The following PRTG variants were observed in gnomAD, a reference collection of about 807,000 sequenced individuals.
The protein encoded by PRTG is immunoglobulin superfamily, DCC subclass, member 5.
A neutral mutation model predicts 122.5 loss-of-function variants in PRTG; 67 were observed. That is an observed-to-expected ratio of 0.55 (90% CI 0.45 to 0.67). PRTG has a LOEUF of 0.67. Among genes scored for constraint, PRTG ranks in the 30% least tolerant of loss-of-function variants. PRTG has a pLI of 0.00. For synonymous variants in PRTG, 554 were observed against 501.1 expected, an observed-to-expected ratio of 1.11 and a Z score of -1.41; for missense variants, 1,435 against 1,415.4, an observed-to-expected ratio of 1.01 and a Z score of -0.22.
rs189243533 is a variant in PRTG, at chr15:55,666,592, A to G, written c.2041+5853T>C. Among the ~76,000 whole-genome samples the G allele has an allele frequency of 5.6e-4, 85 of 152,342 alleles. 2 individuals carry two copies. The East Asian group carries it at 0.014, about 25-fold the overall frequency. On this transcript the variant is annotated intron_variant, in intron 11 of 19. Coordinates refer to ENST00000389286, the MANE Select transcript of PRTG (RefSeq NM_173814.6). ...CTGTGTTTTAACAAGATCTGTGGGT[A>G]ATCCATATACATTTTAAAGCTCAAG...
chr15:55,724,184 G>C (rs2141873140), intron 2 of PRTG, among the ~76,000 whole-genome samples: 1 of 152,282 alleles, frequency 6.6e-6, no homozygotes, highest in African/African-American at 2.4e-5. Context: ...ATGTCTGCTA[G>C]ATCTAGTTAT....
At position 55,649,595 on chromosome 15, in the gene PRTG, G is replaced by T. The variant is rs2059342675; in HGVS notation, c.2042-8387C>A. The stretch of plus-strand genomic sequence containing the variant: ...AGGCCATGAGTTAGAGACCAGCCTA[G>T]CTAACATGGTGAAACTCCATCTCTA... On this transcript the variant is annotated intron_variant, in intron 11 of 19. Coordinates refer to ENST00000389286, the MANE Select transcript of PRTG (RefSeq NM_173814.6). Among the ~76,000 whole-genome samples the T allele has an allele frequency of 3.3e-5, 5 of 152,182 alleles. No homozygotes were observed. In the South Asian group the frequency reaches 1.0e-3, roughly 32 times the overall value.
At chr15:55,651,702 T>A (rs892331925) in intron 11 of PRTG, among the ~76,000 whole-genome samples, 17 of 152,130 alleles carry the variant, frequency 1.1e-4, no homozygotes, top group African/African-American at 3.9e-4. Flanking sequence ...GAAAACTAGG[T>A]CTTTGTTGCT....
rs1441285557 is a variant in PRTG at position 55,657,130 on chromosome 15, A to ATTAC, written c.2041+15311_2041+15314dup. Among the ~76,000 whole-genome samples the ATTAC allele has an allele frequency of 3.9e-5, 6 of 152,334 alleles. No individual in the cohort carries two copies. The East Asian group carries it at 1.2e-3, about 29-fold the overall frequency. ...CAATTGAGCCCTCTTGGGACACAGA[A>ATTAC]TTACTATAATTAAAATAATCCCTGT... is the stretch of plus-strand genomic sequence containing the variant. On this transcript the variant is annotated intron_variant, in intron 11 of 19. Transcript: ENST00000389286.
intron 2 of PRTG, 52 bp downstream of exon 2, chr15:55,740,330 C>A: frequency 6.8e-7 from 1 of 1,470,396 alleles, no homozygotes; most frequent in East Asian, 2.3e-5. Context: ...AGCAAGAAAT[C>A]ATCAAAATGT....
At chr15:55,661,534 G>C (rs147760043) in intron 11 of PRTG, among the ~76,000 whole-genome samples, 109 of 152,118 alleles carry the variant, frequency 7.2e-4, no homozygotes, top group Non-Finnish European at 1.0e-3. Flanking sequence ...AAGGTCAAAG[G>C]GTTATCTGTG....
At chr15:55,637,402 C>T in intron 14 of PRTG, 62 bp from the exon 15 acceptor site, 7 of 1,375,126 alleles carry the variant, frequency 5.1e-6, no homozygotes, top group Non-Finnish European at 4.8e-6. Context: ...TACTCAAATA[C>T]CTGGCTTATA....
At chr15:55,647,319 G>A (rs1009947981) in intron 11 of PRTG, among the ~76,000 whole-genome samples, 1 of 152,136 alleles carries the variant, frequency 6.6e-6, no homozygotes, top group Non-Finnish European at 1.5e-5. Context: ...AGTCTGGCTG[G>A]CTAAGAAAGA....
chr15:55,627,715 C>T (rs1285692813), intron 16 of PRTG, among the ~76,000 whole-genome samples: 2 of 152,232 alleles, frequency 1.3e-5, no homozygotes, highest in South Asian at 4.2e-4. Flanking sequence ...ATTTATAAAA[C>T]AGGTACAAAA....
At chr15:55,664,524 C>G (rs541019274) in intron 11 of PRTG, among the ~76,000 whole-genome samples, 1 of 152,216 alleles carries the variant, frequency 6.6e-6, no homozygotes, top group African/African-American at 2.4e-5. Context: ...TGTTTGTAAA[C>G]TAAGTAGCTT....
At position 55,704,587 on chromosome 15, in the gene PRTG, T is replaced by G. The variant is rs73408353; in HGVS notation, c.398-20656A>C. 6.2e-3 allele frequency among the ~76,000 whole-genome samples: 949 copies of G among 152,322 alleles called. 10 individuals carry two copies. Among genetic ancestry groups the G allele is most frequent in the African/African-American group, 0.022 (916 of 41,562 alleles). ...TAAAATCCTTGGTTCTCCTTTCTCT[T>G]CCACATAATAACCACTCAGTGGTAT... is the stretch of plus-strand genomic sequence containing the variant. On this transcript the variant is annotated intron_variant, in intron 2 of 19. Transcript: ENST00000389286.
intron 2 of PRTG, 74 bp downstream of exon 2, chr15:55,740,308 T>C: frequency 7.4e-7 from 1 of 1,358,276 alleles, no homozygotes; most frequent in Non-Finnish European, 1.0e-6. Context: ...CGGGGGATTA[T>C]TATATTAATA....
intron 11 of PRTG, among the ~76,000 whole-genome samples, chr15:55,653,510 C>G (rs539239379): frequency 1.3e-5 from 2 of 151,270 alleles, no homozygotes; most frequent in East Asian, 3.9e-4. Flanking sequence ...GTTGCCCAGG[C>G]TGGAGTGCAA....
At chr15:55,632,570 C>T (rs1296897127) in intron 15 of PRTG, among the ~76,000 whole-genome samples, 1 of 152,166 alleles carries the variant, frequency 6.6e-6, no homozygotes, top group African/African-American at 2.4e-5. Context: ...TTCTTACTGC[C>T]TGCTCTTCCC....
chr15:55,641,161 C>A lies in PRTG; in HGVS notation c.2089G>T (p.Asp697Tyr), dbSNP rs368774482. 124 of 1,613,846 alleles carry A rather than the reference C, an allele frequency of 7.7e-5. No homozygotes were observed. Among genetic ancestry groups the A allele is most frequent in the Non-Finnish European group, 1.0e-4 (120 of 1,179,916 alleles). Reference protein sequence around the residue: ...HVRLLAYNNIDDGYQADQTVS... With the variant: ...HVRLLAYNNIYDGYQADQTVS... The stretch of plus-strand genomic sequence containing the variant: ...GTCTGATCTGCCTGATAGCCATCGT[C>A]TATGTTGTTGTAAGCCAGGAGTCTC... Residue 697 changes from aspartate (D) to tyrosine (Y), a missense_variant, in exon 12 of 20, where the codon GAC becomes TAC. Physicochemically the swap from Asp to Tyr is radical, Grantham distance 160. Transcript: ENST00000389286.
At chr15:55,700,635 G>A (rs1471467056) in intron 2 of PRTG, among the ~76,000 whole-genome samples, 1 of 152,036 alleles carries the variant, frequency 6.6e-6, no homozygotes, top group Non-Finnish European at 1.5e-5. Context: ...TAAACAACTA[G>A]CTGGGTGTGG....
chr15:55,626,894 T>G lies in PRTG; in HGVS notation c.2927+114A>C, dbSNP rs2059197906. The G allele has an allele frequency of 1.4e-5, 13 of 899,296 alleles. 1 individual carries two copies. The South Asian group carries it at 3.0e-4, about 21-fold the overall frequency. 55.7% of individuals were successfully genotyped at this position (899,296 alleles called of 1,614,324 possible). Reference sequence around the variant, plus strand: ...CTCAGGGAACAATACTGCACATTTATTTTAAAGTAGGAAATCCCAGTTACT... The same window carrying G: ...CTCAGGGAACAATACTGCACATTTAGTTTAAAGTAGGAAATCCCAGTTACT... On this transcript the variant is annotated intron_variant, in intron 17 of 19. Transcript: ENST00000389286.
intron 2 of PRTG, among the ~76,000 whole-genome samples, chr15:55,715,208 G>A (rs779942109): frequency 6.6e-6 from 1 of 152,156 alleles, no homozygotes; most frequent in African/African-American, 2.4e-5. Context: ...CAGTGCCAAA[G>A]CTTTCTCATT....
chr15:55,622,216 G>GTT (rs35973280), intron 18 of PRTG, among the ~76,000 whole-genome samples: 27,948 of 113,318 alleles, frequency 0.25, 4,743 homozygotes, highest in East Asian at 0.59. Context: ...ATTAGTACTT[G>GTT]TTTTTTTTTT....
Sources: allele counts gnomAD v4.1 joint callset (sites outside exome capture counted in the v4.1 genomes callset), GRCh38; gene constraint gnomAD v4.1.1; transcripts MANE v1.5; gene names NCBI Gene and HGNC (gene_info 2026-07-23, HGNC 2026-07-21).